Variants in ERC2 observed in about 807,000 individuals in gnomAD.
ERC2 encodes the protein ELKS/RAB6-interacting/CAST family member 2.
In ERC2, 42 loss-of-function variants were observed where a neutral mutation model predicts 114.8. That is an observed-to-expected ratio of 0.37 (90% CI 0.29 to 0.47). The LOEUF is 0.47. Ranked by LOEUF, ERC2 falls within the 20% of genes least tolerant of loss-of-function variation. The pLI, the probability that ERC2 is intolerant of heterozygous loss-of-function variation, is 0.99. For missense variants in ERC2, 939 were observed against 1,150.7 expected (o/e 0.82, Z 2.66); for synonymous variants, 454 against 425.5 (o/e 1.07, Z -0.82).
chr3:55,537,319 G>A (rs761150787), intron 17 of ERC2, among the ~76,000 whole-genome samples: 39 of 152,226 alleles, frequency 2.6e-4, no homozygotes, highest in Admixed American at 9.2e-4. Context: ...GGTGGAAGAC[G>A]ATGGTTTCCC....
chr3:55,663,826 C>A (rs540480561), intron 17 of ERC2, among the ~76,000 whole-genome samples: 4 of 152,294 alleles, frequency 2.6e-5, no homozygotes, highest in African/African-American at 9.6e-5. Context: ...CACTGTCCCC[C>A]AGGACTCTAA....
rs11404043 is a variant in ERC2 at position 55,549,477 on chromosome 3, C to CTTTT, written c.*40-38205_*40-38202dup. Reference sequence around the variant, plus strand: ...AGATGCGGAGCAAATGCCGCCTTACCTTTTTTTTTTTTTTTTTTTTCCTGT... The same window carrying CTTTT: ...AGATGCGGAGCAAATGCCGCCTTACCTTTTTTTTTTTTTTTTTTTTTTTTCCTGT... On this transcript the variant is annotated intron_variant, in intron 17 of 17. Coordinates refer to ENST00000288221, the MANE Select transcript of ERC2 (RefSeq NM_015576.3). 7.8e-4 allele frequency among the ~76,000 whole-genome samples: 96 copies of CTTTT among 123,174 alleles called. 1 individual carries two copies. Among genetic ancestry groups the CTTTT allele is most frequent in the South Asian group, 2.2e-3 (8 of 3,570 alleles). 80.8% of individuals were successfully genotyped at this position (123,174 alleles called of 152,430 possible).
chr3:56,460,184 G>T (rs2063247517), intron 1 of ERC2, among the ~76,000 whole-genome samples: 1 of 152,228 alleles, frequency 6.6e-6, no homozygotes, highest in African/African-American at 2.4e-5. Flanking sequence ...CTCGGCCCTG[G>T]CTGTGAAAGT....
intron 17 of ERC2, among the ~76,000 whole-genome samples, chr3:55,571,013 A>G (rs1470405040): frequency 6.6e-6 from 1 of 151,414 alleles, no homozygotes; most frequent in South Asian, 2.1e-4. Flanking sequence ...CTGTAATACC[A>G]GCTACTCAGA....
intron 17 of ERC2, among the ~76,000 whole-genome samples, chr3:55,635,745 G>A (rs1195420487): frequency 1.3e-5 from 2 of 151,970 alleles, no homozygotes; most frequent in African/African-American, 4.8e-5. Context: ...TTAGAAACAC[G>A]CATAATGAAG....
At chr3:55,720,530 C>T (rs1406356179) in intron 15 of ERC2, among the ~76,000 whole-genome samples, 3 of 151,898 alleles carry the variant, frequency 2.0e-5, no homozygotes, top group Non-Finnish European at 4.4e-5. Context: ...AGCAATCTTT[C>T]CGCCTTGGCC....
At chr3:55,668,621 G>A (rs1250389088) in intron 17 of ERC2, among the ~76,000 whole-genome samples, 1 of 152,112 alleles carries the variant, frequency 6.6e-6, no homozygotes, top group Non-Finnish European at 1.5e-5. Context: ...TAGTGCCTTT[G>A]TGTGTTGCCC....
chr3:56,095,502 A>G (rs2149793076), intron 6 of ERC2, among the ~76,000 whole-genome samples: 1 of 152,362 alleles, frequency 6.6e-6, no homozygotes, highest in Non-Finnish European at 1.5e-5. Flanking sequence ...AATTGGGAAA[A>G]AAGAAAGAAC....
intron 14 of ERC2, among the ~76,000 whole-genome samples, chr3:55,845,987 T>G (rs1309252979): frequency 6.6e-6 from 1 of 152,256 alleles, no homozygotes; most frequent in Non-Finnish European, 1.5e-5. Flanking sequence ...AGGATTGATA[T>G]TATATCATTC....
chr3:55,767,576 T>C (rs1019616564), intron 14 of ERC2, among the ~76,000 whole-genome samples: 9 of 152,268 alleles, frequency 5.9e-5, no homozygotes, highest in Admixed American at 5.2e-4. Flanking sequence ...TTCATGCGTA[T>C]AGACCTCTAA....
intron 2 of ERC2, among the ~76,000 whole-genome samples, chr3:56,411,648 A>T (rs1462888175): frequency 6.6e-6 from 1 of 152,136 alleles, no homozygotes; most frequent in Non-Finnish European, 1.5e-5. Flanking sequence ...CTCTATATAC[A>T]GTGATTCATT....
At chr3:56,440,504 C>T (rs142686138) in intron 1 of ERC2, among the ~76,000 whole-genome samples, 9,021 of 148,094 alleles carry the variant, frequency 0.061, 519 homozygotes, top group East Asian at 0.32. Context: ...GCCAAGATCA[C>T]GCCACTGAAC....
chr3:56,241,583 G>T (rs1209922978), intron 3 of ERC2, among the ~76,000 whole-genome samples: 1 of 152,074 alleles, frequency 6.6e-6, no homozygotes, highest in African/African-American at 2.4e-5. Context: ...TAGAAAATTG[G>T]AATAAGGAAA....
chr3:56,175,165 CAA>C (rs1378588856), intron 3 of ERC2, among the ~76,000 whole-genome samples: 1 of 152,110 alleles, frequency 6.6e-6, no homozygotes, highest in Non-Finnish European at 1.5e-5. Context: ...GGCACATGTC[CAA>C]GGACCAGTGT....
chr3:56,215,039 T>C (rs2049356946), intron 3 of ERC2, among the ~76,000 whole-genome samples: 1 of 152,150 alleles, frequency 6.6e-6, no homozygotes, highest in Admixed American at 6.5e-5. Context: ...TGCAAAAACA[T>C]GCCAAATTGT....
intron 17 of ERC2, among the ~76,000 whole-genome samples, chr3:55,513,083 C>T (rs559896371): frequency 3.9e-5 from 6 of 152,206 alleles, no homozygotes; most frequent in East Asian, 1.9e-4. Flanking sequence ...ACAGTCACAG[C>T]GGCCCTTACC....
chr3:56,137,626 G>A (rs796971151), intron 6 of ERC2, among the ~76,000 whole-genome samples: 2 of 152,346 alleles, frequency 1.3e-5, no homozygotes, highest in African/African-American at 2.4e-5. Context: ...GTAGATGAAT[G>A]GGTATGGCTG....
intron 2 of ERC2, among the ~76,000 whole-genome samples, chr3:56,398,206 T>C (rs1287526572): frequency 6.6e-6 from 1 of 152,214 alleles, no homozygotes; most frequent in Admixed American, 6.5e-5. Context: ...ACAAAGAACA[T>C]TCCTATGTAT....
chr3:56,421,021 TA>T (rs1202182456), intron 2 of ERC2, among the ~76,000 whole-genome samples: 4 of 152,194 alleles, frequency 2.6e-5, no homozygotes, highest in Non-Finnish European at 4.4e-5. Context: ...TCCACTATGG[TA>T]AAATAACATG....
Sources: gnomAD v4.1 joint callset for allele counts (sites outside exome capture counted in the v4.1 genomes callset) on GRCh38, gnomAD v4.1.1 for gene constraint, MANE v1.5 for transcripts, NCBI Gene and HGNC (gene_info 2026-07-23, HGNC 2026-07-21) for gene names.